Variants in FKBP5 observed in about 807,000 individuals in gnomAD.
FKBP5 encodes FKBP prolyl isomerase 5, also known as peptidyl-prolyl cis-trans isomerase FKBP5.
A neutral mutation model predicts 50.5 loss-of-function variants in FKBP5; 23 were observed. That is an observed-to-expected ratio of 0.46 (90% CI 0.33 to 0.65). The LOEUF is 0.65. Among genes scored for constraint, FKBP5 ranks in the 30% least tolerant of loss-of-function variants. The pLI is 0.02. For missense variants in FKBP5, 411 were observed against 553.1 expected, an observed-to-expected ratio of 0.74 and a Z score of 2.58; for synonymous variants, 176 against 190.6, an observed-to-expected ratio of 0.92 and a Z score of 0.63.
intron 1 of FKBP5, among the ~76,000 whole-genome samples, chr6:35,682,921 GA>G (rs1301022759): frequency 1.1e-3 from 148 of 137,930 alleles, no homozygotes; most frequent in African/African-American, 2.9e-3. Context: ...AAAAAAAAAA[GA>G]AAAAAAAGTA....
At chr6:35,625,452 A>C (rs1763965302) in intron 3 of FKBP5, among the ~76,000 whole-genome samples, 1 of 151,668 alleles carries the variant, frequency 6.6e-6, no homozygotes, top group South Asian at 2.1e-4. Context: ...ATACACCAAG[A>C]ATAGGCCGGT....
chr6:35,681,832 A>G (rs1765669564), intron 1 of FKBP5, among the ~76,000 whole-genome samples: 1 of 152,196 alleles, frequency 6.6e-6, no homozygotes, highest in Non-Finnish European at 1.5e-5. Flanking sequence ...ATTTATACAT[A>G]TGTGTAATAT....
intron 5 of FKBP5, among the ~76,000 whole-genome samples, chr6:35,605,617 T>C (rs115055933): frequency 0.014 from 2,194 of 152,090 alleles, 50 homozygotes; most frequent in African/African-American, 0.049. Context: ...AGGCTGGTCT[T>C]GAACTCCTAG....
chr6:35,676,406 G>A (rs888499472), intron 1 of FKBP5, among the ~76,000 whole-genome samples: 29 of 152,118 alleles, frequency 1.9e-4, no homozygotes, highest in African/African-American at 6.5e-4. Context: ...GAACTGCAGA[G>A]GGACCTTAAG....
intron 8 of FKBP5, chr6:35,584,479 A>C: frequency 1.0e-6 from 1 of 985,514 alleles, no homozygotes; most frequent in Non-Finnish European, 1.2e-6. Context: ...GTGCAAATGC[A>C]TAACATGCCA....
intron 2 of FKBP5, among the ~76,000 whole-genome samples, chr6:35,694,905 T>A (rs1005299146): frequency 2.0e-5 from 3 of 152,190 alleles, no homozygotes; most frequent in African/African-American, 7.2e-5. Flanking sequence ...ATATAGTCTT[T>A]GTCACAACTA....
In FKBP5 at chr6:35,589,092, T is replaced by TA. The variant is rs1561846421; in HGVS notation, c.757-1976_757-1975insT. On this transcript the variant is annotated intron_variant, in intron 7 of 10. Transcript: ENST00000357266. ...TGTGTATATATTTATATATATATTTTTATATATATATATATTTTTATATAT... is the reference window on the plus strand; with the variant it reads ...TGTGTATATATTTATATATATATTTTATATATATATATATATTTTTATATAT... 5.2e-3 allele frequency among the ~76,000 whole-genome samples: 710 copies of TA among 135,872 alleles called. 8 individuals carry two copies. The highest frequency in any genetic ancestry group is 0.018 in the African/African-American group (609 of 34,578). 89.1% of individuals were successfully genotyped at this position (135,872 alleles called of 152,430 possible).
intron 1 of FKBP5, among the ~76,000 whole-genome samples, chr6:35,686,403 G>A (rs1035966945): frequency 6.6e-6 from 1 of 152,012 alleles, no homozygotes; most frequent in African/African-American, 2.4e-5. Context: ...TTTATGAAAT[G>A]CAACTTTATT....
At chr6:35,578,055 C>CAAA (rs143946034) in intron 9 of FKBP5, among the ~76,000 whole-genome samples, 5 of 104,312 alleles carry the variant, frequency 4.8e-5, no homozygotes, top group Non-Finnish European at 3.9e-5. Flanking sequence ...CTCTTGTCTC[C>CAAA]AAAAAAAAAA....
chr6:35,722,034 C>A (rs1374065044), intron 1 of FKBP5, among the ~76,000 whole-genome samples: 1 of 152,218 alleles, frequency 6.6e-6, no homozygotes, highest in Non-Finnish European at 1.5e-5. Context: ...TTCTTGTCAT[C>A]CAGGTCTCAG....
At chr6:35,576,945 G>T (rs76042921) in intron 10 of FKBP5, 49 bp downstream of exon 10, 1 of 1,598,288 alleles carries the variant, frequency 6.3e-7, no homozygotes, top group Admixed American at 1.7e-5. Flanking sequence ...AATCAAAGGG[G>T]CATGGTCAGG....
At chr6:35,696,511 C>CAA (rs5875522) in intron 2 of FKBP5, among the ~76,000 whole-genome samples, 2 of 133,216 alleles carry the variant, frequency 1.5e-5, no homozygotes, top group Admixed American at 7.6e-5. Flanking sequence ...GACTCTGTCT[C>CAA]AAAAAAAAAA....
chr6:35,585,733 C>T (rs1400124303), intron 8 of FKBP5: 2 of 976,490 alleles, frequency 2.0e-6, no homozygotes, highest in East Asian at 2.3e-4. Flanking sequence ...CCAGTACTTA[C>T]TCATACACAA....
chr6:35,596,932 G>A (rs1419768158), intron 6 of FKBP5, among the ~76,000 whole-genome samples: 1 of 152,144 alleles, frequency 6.6e-6, no homozygotes, highest in Non-Finnish European at 1.5e-5. Flanking sequence ...AAAGGGAAGA[G>A]GGGGTAAGAG....
intron 1 of FKBP5, among the ~76,000 whole-genome samples, chr6:35,675,875 T>A (rs1479481759): frequency 2.0e-5 from 3 of 152,148 alleles, no homozygotes; most frequent in Non-Finnish European, 4.4e-5. Context: ...TCTACACCAT[T>A]CCTTCTACCC....
chr6:35,699,564 T>G (rs1766141862), intron 2 of FKBP5, among the ~76,000 whole-genome samples: 1 of 152,144 alleles, frequency 6.6e-6, no homozygotes. Context: ...TCTCACCCCA[T>G]TAATGTGCTA....
chr6:35,616,430 C>T (rs180711089), intron 5 of FKBP5, among the ~76,000 whole-genome samples: 12 of 148,902 alleles, frequency 8.1e-5, no homozygotes, highest in African/African-American at 2.7e-4. Context: ...ATCTGGAAAA[C>T]AGTTACTGGT....
chr6:35,578,344 C>T (rs1384101848), intron 9 of FKBP5, among the ~76,000 whole-genome samples: 1 of 152,144 alleles, frequency 6.6e-6, no homozygotes, highest in Non-Finnish European at 1.5e-5. Flanking sequence ...AGGTGTAAAC[C>T]ACTGTGCCTG....
chr6:35,636,736 C>A (rs1036004249), intron 3 of FKBP5, among the ~76,000 whole-genome samples: 1 of 152,064 alleles, frequency 6.6e-6, no homozygotes, highest in African/African-American at 2.4e-5. Flanking sequence ...TGTTAAGGAA[C>A]CAGCAGTTTT....
Sources: allele counts gnomAD v4.1 joint callset (sites outside exome capture counted in the v4.1 genomes callset), GRCh38; gene constraint gnomAD v4.1.1; transcripts MANE v1.5; gene names NCBI Gene and HGNC (gene_info 2026-07-23, HGNC 2026-07-21).